The following GRID2 variants were observed in gnomAD, a reference collection of about 807,000 sequenced individuals.
GRID2 encodes glutamate receptor ionotropic, delta-2.
In GRID2, 33 loss-of-function variants were observed where a neutral mutation model predicts 114.8. That is an observed-to-expected ratio of 0.29 (90% CI 0.22 to 0.38). The LOEUF (loss-of-function observed/expected upper bound fraction) is 0.38. Ranked by LOEUF, GRID2 falls within the 10% of genes least tolerant of loss-of-function variation. GRID2 has a pLI of 1.00. For synonymous variants in GRID2, 505 were observed against 449.9 expected (o/e 1.12, Z -1.55); for missense variants, 1,184 against 1,257.7 (o/e 0.94, Z 0.89).
At chr4:92,914,327 A>C (rs1324764894) in intron 2 of GRID2, among the ~76,000 whole-genome samples, 1 of 152,094 alleles carries the variant, frequency 6.6e-6, no homozygotes, top group Non-Finnish European at 1.5e-5. Context: ...TAAAAGTGTA[A>C]ATTTCCCTCT....
intron 2 of GRID2, among the ~76,000 whole-genome samples, chr4:92,590,964 C>A (rs139556441): frequency 2.6e-5 from 4 of 152,224 alleles, no homozygotes; most frequent in African/African-American, 9.6e-5. Flanking sequence ...CTGTTTGCTT[C>A]TATTAGTCTA....
At chr4:92,700,415 A>C (rs1734611681) in intron 2 of GRID2, among the ~76,000 whole-genome samples, 1 of 152,144 alleles carries the variant, frequency 6.6e-6, no homozygotes, top group Non-Finnish European at 1.5e-5. Flanking sequence ...ATATTCTAAG[A>C]CTATCCTAGG....
intron 8 of GRID2, among the ~76,000 whole-genome samples, chr4:93,251,740 C>G (rs1345525662): frequency 6.6e-6 from 1 of 152,146 alleles, no homozygotes; most frequent in Non-Finnish European, 1.5e-5. Context: ...ATTTAGCTCC[C>G]ACTTATAAAT....
chr4:93,114,463 T>C (rs1441657828), intron 4 of GRID2, among the ~76,000 whole-genome samples: 1 of 152,172 alleles, frequency 6.6e-6, no homozygotes, highest in East Asian at 1.9e-4. Flanking sequence ...TCCCCACTCA[T>C]CCACCATTTT....
At chr4:93,282,510 C>CT (rs1466939071) in intron 8 of GRID2, 1 of 266,768 alleles carries the variant, frequency 3.7e-6, no homozygotes, top group East Asian at 1.1e-4. Context: ...CAAACTCATC[C>CT]TTTTATCAGG....
intron 13 of GRID2, among the ~76,000 whole-genome samples, chr4:93,518,745 A>G (rs1730052035): frequency 6.6e-6 from 1 of 152,074 alleles, no homozygotes; most frequent in East Asian, 1.9e-4. Flanking sequence ...TAACATTTGA[A>G]TACAAACTTT....
chr4:93,544,225 G>A (rs967058302), intron 13 of GRID2, among the ~76,000 whole-genome samples: 4 of 152,024 alleles, frequency 2.6e-5, no homozygotes, highest in African/African-American at 9.7e-5. Context: ...CAAATGTGTG[G>A]AATAGATAAT....
chr4:92,587,033 A>G (rs1216546282), intron 1 of GRID2, among the ~76,000 whole-genome samples: 2 of 150,688 alleles, frequency 1.3e-5, no homozygotes, highest in African/African-American at 4.9e-5. Context: ...TTCCTGCTTT[A>G]TTGATTGGTT....
chr4:92,375,935 A>G (rs1158029779), intron 1 of GRID2, among the ~76,000 whole-genome samples: 3 of 147,426 alleles, frequency 2.0e-5, no homozygotes, highest in Non-Finnish European at 4.4e-5. Flanking sequence ...GCTTACTGAT[A>G]TTTTTTTGAA....
intron 1 of GRID2, among the ~76,000 whole-genome samples, chr4:92,569,169 G>A (rs748302076): frequency 6.6e-6 from 1 of 151,874 alleles, no homozygotes. Context: ...TACCTGACAT[G>A]TGTCCATGTG....
At chr4:92,839,701 T>C (rs1239039258) in intron 2 of GRID2, among the ~76,000 whole-genome samples, 1 of 152,044 alleles carries the variant, frequency 6.6e-6, no homozygotes, top group Non-Finnish European at 1.5e-5. Context: ...GATATTATTT[T>C]AATATTTTTG....
At chr4:92,445,444 GCC>G (rs1300920208) in intron 1 of GRID2, among the ~76,000 whole-genome samples, 1 of 152,166 alleles carries the variant, frequency 6.6e-6, no homozygotes, top group African/African-American at 2.4e-5. Flanking sequence ...ATCTTTTTCA[GCC>G]ATGGAGATAT....
intron 11 of GRID2, 45 bp downstream of exon 11, chr4:93,456,019 T>C (rs1267717019): frequency 8.8e-7 from 1 of 1,139,268 alleles, no homozygotes; most frequent in East Asian, 2.3e-5. Flanking sequence ...AAATAGAATG[T>C]GATGTTTCCA....
intron 2 of GRID2, among the ~76,000 whole-genome samples, chr4:92,673,212 T>C (rs557903313): frequency 5.0e-4 from 76 of 152,280 alleles, no homozygotes; most frequent in African/African-American, 1.8e-3. Context: ...TACTCTAGTG[T>C]TTACAAAATT....
intron 1 of GRID2, among the ~76,000 whole-genome samples, chr4:92,541,036 T>C (rs10028156): frequency 1.1e-4 from 16 of 151,988 alleles, no homozygotes; most frequent in East Asian, 1.9e-4. Context: ...AGCAAACTAT[T>C]GCAAGGACAA....
chr4:92,884,900 A>G, intron 2 of GRID2: 1 of 382,642 alleles, frequency 2.6e-6, no homozygotes, highest in Non-Finnish European at 5.3e-6. Flanking sequence ...TGGTACTATC[A>G]ATGTAGATGA....
intron 2 of GRID2, among the ~76,000 whole-genome samples, chr4:92,694,470 G>A (rs1734335054): frequency 6.6e-6 from 1 of 152,158 alleles, no homozygotes; most frequent in Non-Finnish European, 1.5e-5. Flanking sequence ...ACTGAGACTG[G>A]ACCCTGGTGG....
intron 2 of GRID2, among the ~76,000 whole-genome samples, chr4:92,700,522 C>G (rs539104131): frequency 1.3e-5 from 2 of 152,084 alleles, no homozygotes; most frequent in African/African-American, 4.8e-5. Context: ...TCTCCTTTCC[C>G]TTAGTTTTTC....
chr4:93,676,035 T>C (rs1184177316), intron 14 of GRID2, among the ~76,000 whole-genome samples: 3 of 152,320 alleles, frequency 2.0e-5, no homozygotes, highest in Middle Eastern at 3.4e-3. Context: ...AACCAGAATA[T>C]GAATACACCC....
Sources: allele counts gnomAD v4.1 joint callset (sites outside exome capture counted in the v4.1 genomes callset), GRCh38; gene constraint gnomAD v4.1.1; transcripts MANE v1.5; gene names NCBI Gene and HGNC (gene_info 2026-07-23, HGNC 2026-07-21).